MACROD2: variants seen among roughly 807,000 people sequenced by gnomAD.
MACROD2 encodes the protein mono-ADP ribosylhydrolase 2.
In MACROD2, 36 loss-of-function variants were observed where a neutral mutation model predicts 70.4. That is an observed-to-expected ratio of 0.51 (90% CI 0.39 to 0.68). The LOEUF is 0.68. MACROD2 is among the 30% of genes least tolerant of loss of function. MACROD2 has a pLI of 0.00. For missense variants in MACROD2, 496 were observed against 538.4 expected, an observed-to-expected ratio of 0.92 and a Z score of 0.78; for synonymous variants, 172 against 178.8, an observed-to-expected ratio of 0.96 and a Z score of 0.30.
At chr20:14,682,652 A>G (rs2070947982) in intron 4 of MACROD2, among the ~76,000 whole-genome samples, 1 of 152,078 alleles carries the variant, frequency 6.6e-6, no homozygotes, top group Non-Finnish European at 1.5e-5. Context: ...GGTGTATTAC[A>G]GTCTATGGCA....
At chr20:14,201,607 C>T (rs1002866915) in intron 3 of MACROD2, among the ~76,000 whole-genome samples, 1 of 151,570 alleles carries the variant, frequency 6.6e-6, no homozygotes, top group East Asian at 1.9e-4. Context: ...CTTGGGAGGC[C>T]GAGGTGGGTG....
At chr20:15,478,209 G>A (rs1403694084) in intron 7 of MACROD2, among the ~76,000 whole-genome samples, 1 of 152,184 alleles carries the variant, frequency 6.6e-6, no homozygotes, top group Non-Finnish European at 1.5e-5. Context: ...GAAACCATAT[G>A]GACCAGGCTT....
rs552062825 is a variant in MACROD2 at position 15,087,086 on chromosome 20, G to A, written c.419-142854G>A. On this transcript the variant is annotated intron_variant, in intron 5 of 17. Transcript: ENST00000684519. Reference sequence around the variant, plus strand: ...ATACCAATACCTATCATCTATTTATGTATCTTTATTATCTCTCTTATTTAT... The same window carrying A: ...ATACCAATACCTATCATCTATTTATATATCTTTATTATCTCTCTTATTTAT... Among the ~76,000 whole-genome samples the A allele has an allele frequency of 5.9e-5, 9 of 151,790 alleles. No homozygotes were observed. The South Asian group carries it at 1.0e-3, about 18-fold the overall frequency.
At chr20:15,783,354 CTTGT>C (rs1028999296) in intron 8 of MACROD2, among the ~76,000 whole-genome samples, 7 of 152,066 alleles carry the variant, frequency 4.6e-5, no homozygotes, top group African/African-American at 1.7e-4. Context: ...TGGTTTTTGT[CTTGT>C]TTGTTTTGCA....
intron 7 of MACROD2, among the ~76,000 whole-genome samples, chr20:15,435,123 G>T (rs982298573): frequency 6.6e-6 from 1 of 151,914 alleles, no homozygotes; most frequent in Admixed American, 6.6e-5. Flanking sequence ...TACCACCAAA[G>T]AATTTTTGCA....
At chr20:15,483,082 G>T (rs1009728034) in intron 7 of MACROD2, among the ~76,000 whole-genome samples, 10 of 151,946 alleles carry the variant, frequency 6.6e-5, no homozygotes, top group African/African-American at 2.4e-4. Flanking sequence ...ATGAAATTTA[G>T]CTTATTTTTT....
At chr20:15,807,481 T>C (rs1247093296) in intron 8 of MACROD2, among the ~76,000 whole-genome samples, 4 of 152,208 alleles carry the variant, frequency 2.6e-5, no homozygotes, top group Non-Finnish European at 5.9e-5. Flanking sequence ...GTTGAAGATA[T>C]AAGCCTGCAC....
Position 14,910,950 on chromosome 20 carries a change from A to G in MACROD2, c.418+225991A>G, listed in dbSNP as rs182918475. Among the ~76,000 whole-genome samples the G allele has an allele frequency of 3.0e-4, 46 of 152,306 alleles. 1 individual carries two copies. In the East Asian group the frequency reaches 8.5e-3, roughly 28 times the overall value. On this transcript the variant is annotated intron_variant, in intron 5 of 17. Transcript: ENST00000684519. ...AACCCAGTACACACATACGTATGTT[A>G]TTGAAAATTAAAGTTTCATGAAAAA...
chr20:14,552,136 C>A (rs1313358613), intron 4 of MACROD2, among the ~76,000 whole-genome samples: 2 of 151,514 alleles, frequency 1.3e-5, no homozygotes, highest in African/African-American at 4.9e-5. Flanking sequence ...AACCTGGTAT[C>A]TGAACATTTG....
At chr20:15,747,178 G>A (rs1380644577) in intron 8 of MACROD2, among the ~76,000 whole-genome samples, 2 of 152,126 alleles carry the variant, frequency 1.3e-5, no homozygotes, top group Non-Finnish European at 2.9e-5. Context: ...CAGCACCTGA[G>A]AAAAATGTCT....
chr20:14,243,424 G>C (rs929581364), intron 3 of MACROD2, among the ~76,000 whole-genome samples: 1 of 152,080 alleles, frequency 6.6e-6, no homozygotes, highest in African/African-American at 2.4e-5. Flanking sequence ...GAAAATATCT[G>C]CCTAAACTAT....
At chr20:14,009,820 G>A (rs1406474258) in intron 2 of MACROD2, among the ~76,000 whole-genome samples, 1 of 152,118 alleles carries the variant, frequency 6.6e-6, no homozygotes, top group Non-Finnish European at 1.5e-5. Context: ...TCCTTTGCAG[G>A]GACCCGGATG....
chr20:14,615,319 C>T (rs1298187137), intron 4 of MACROD2, among the ~76,000 whole-genome samples: 1 of 152,102 alleles, frequency 6.6e-6, no homozygotes, highest in Non-Finnish European at 1.5e-5. Flanking sequence ...GGAATAAGTC[C>T]TTCATTCCTA....
chr20:14,925,704 C>A (rs1365377625), intron 5 of MACROD2, among the ~76,000 whole-genome samples: 1 of 152,182 alleles, frequency 6.6e-6, no homozygotes, highest in African/African-American at 2.4e-5. Flanking sequence ...CACCAATCTT[C>A]CTTCTCCACA....
intron 5 of MACROD2, among the ~76,000 whole-genome samples, chr20:15,185,144 C>T (rs1029149181): frequency 6.6e-6 from 1 of 152,080 alleles, no homozygotes; most frequent in Admixed American, 6.6e-5. Flanking sequence ...ATCTTTGTAT[C>T]CTCCCTATTA....
intron 3 of MACROD2, among the ~76,000 whole-genome samples, chr20:14,423,685 G>A (rs1442094324): frequency 1.5e-5 from 2 of 132,032 alleles, no homozygotes; most frequent in Non-Finnish European, 3.2e-5. Context: ...GGACGACAGA[G>A]CGAGACTCTG....
intron 6 of MACROD2, among the ~76,000 whole-genome samples, chr20:15,239,606 A>C (rs1417503572): frequency 6.6e-6 from 1 of 152,188 alleles, no homozygotes; most frequent in African/African-American, 2.4e-5. Flanking sequence ...ACTTTAGTGC[A>C]GTCTCTCCAT....
chr20:15,041,198 A>T (rs1417142629), intron 5 of MACROD2, among the ~76,000 whole-genome samples: 1 of 152,160 alleles, frequency 6.6e-6, no homozygotes, highest in Non-Finnish European at 1.5e-5. Context: ...AGTTATTTTA[A>T]TTCTATAATG....
chr20:14,981,436 A>ATG (rs1435043760), intron 5 of MACROD2, among the ~76,000 whole-genome samples: 8 of 57,904 alleles, frequency 1.4e-4, no homozygotes, highest in Non-Finnish European at 2.7e-4. Flanking sequence ...GTATATGTAT[A>ATG]TATATATATA....
Sources: allele counts gnomAD v4.1 joint callset (sites outside exome capture counted in the v4.1 genomes callset), GRCh38; gene constraint gnomAD v4.1.1; transcripts MANE v1.5; gene names NCBI Gene and HGNC (gene_info 2026-07-23, HGNC 2026-07-21).